The following SRGAP3 variants were observed in gnomAD, a reference collection of about 807,000 sequenced individuals.
SRGAP3 encodes SLIT-ROBO Rho GTPase activating protein 3.
SRGAP3 carries 39 observed loss-of-function variants against 121.1 expected under a neutral mutation model. The observed-to-expected ratio is 0.32, with a 90% CI of 0.25 to 0.42. The LOEUF is 0.42. Ranked by LOEUF, SRGAP3 falls within the 10% of genes least tolerant of loss-of-function variation. SRGAP3 has a pLI of 1.00. For missense variants in SRGAP3, 1,213 were observed against 1,470.6 expected, an observed-to-expected ratio of 0.82 and a Z score of 2.86; for synonymous variants, 601 against 570.0, an observed-to-expected ratio of 1.05 and a Z score of -0.77.
At chr3:9,289,327 A>G (rs963950950) in intron 3 of SRGAP3, among the ~76,000 whole-genome samples, 3 of 152,200 alleles carry the variant, frequency 2.0e-5, no homozygotes, top group African/African-American at 7.2e-5. Context: ...TGATTCTGCT[A>G]TCTGTTGTTT....
chr3:9,063,504 C>CT lies in SRGAP3; in HGVS notation c.672+891dup, dbSNP rs796404683. 7.5e-4 allele frequency among the ~76,000 whole-genome samples: 110 copies of CT among 147,190 alleles called. 1 individual carries two copies. The East Asian group carries it at 0.015, about 20-fold the overall frequency. On this transcript the variant is annotated intron_variant, in intron 5 of 21. Coordinates refer to ENST00000383836, the MANE Select transcript of SRGAP3 (RefSeq NM_014850.4). ...AGCAACATCTATTCAAATTCTTTGC[C>CT]TTTTTTTTTTCATAAATAGAGATGG...
At chr3:9,012,691 G>A (rs1943435591) in intron 17 of SRGAP3, among the ~76,000 whole-genome samples, 1 of 152,062 alleles carries the variant, frequency 6.6e-6, no homozygotes. Flanking sequence ...GTTGAGGTGG[G>A]GACTAGTCAC....
intron 2 of SRGAP3, among the ~76,000 whole-genome samples, chr3:9,119,670 T>C (rs763436780): frequency 2.6e-4 from 39 of 152,220 alleles, no homozygotes; most frequent in Non-Finnish European, 2.2e-4. Flanking sequence ...GGAGTGATGC[T>C]ATTCCAGCTC....
intron 3 of SRGAP3, among the ~76,000 whole-genome samples, chr3:9,319,810 T>A (rs1187188686): frequency 2.0e-5 from 3 of 151,828 alleles, no homozygotes; most frequent in African/African-American, 4.8e-5. Flanking sequence ...GGGCAGAGAC[T>A]CAGAGTGTCT....
At chr3:9,087,154 T>C in intron 3 of SRGAP3, among the ~76,000 whole-genome samples, 1 of 152,148 alleles carries the variant, frequency 6.6e-6, no homozygotes, top group Non-Finnish European at 1.5e-5. Context: ...AATGAATCTA[T>C]GAACGAATGA....
At chr3:9,350,230 T>C (rs1450679352) in intron 1 of SRGAP3, among the ~76,000 whole-genome samples, 2 of 152,232 alleles carry the variant, frequency 1.3e-5, no homozygotes, top group African/African-American at 4.8e-5. Context: ...ACACCTTGTG[T>C]GTGCCAGGCA....
At chr3:9,111,635 G>T (rs1369747041) in intron 2 of SRGAP3, among the ~76,000 whole-genome samples, 2 of 152,156 alleles carry the variant, frequency 1.3e-5, no homozygotes, top group Non-Finnish European at 2.9e-5. Flanking sequence ...AGAGCCAGAC[G>T]CCAGGCTGCA....
intron 1 of SRGAP3, among the ~76,000 whole-genome samples, chr3:9,204,042 A>T (rs1033577534): frequency 6.6e-6 from 1 of 152,124 alleles, no homozygotes; most frequent in African/African-American, 2.4e-5. Context: ...ACACCCTAGG[A>T]AGCACTTGTC....
chr3:9,310,715 C>T (rs935109986), intron 3 of SRGAP3, among the ~76,000 whole-genome samples: 1 of 152,192 alleles, frequency 6.6e-6, no homozygotes, highest in Non-Finnish European at 1.5e-5. Context: ...AAAGAAGGAT[C>T]AAACTAGGTC....
intron 1 of SRGAP3, among the ~76,000 whole-genome samples, chr3:9,182,940 G>C (rs1050319680): frequency 6.6e-6 from 1 of 152,116 alleles, no homozygotes; most frequent in Non-Finnish European, 1.5e-5. Context: ...GTACAGGCGA[G>C]AGCCACCGTG....
At chr3:9,263,327 C>G (rs1954290195) in intron 3 of SRGAP3, among the ~76,000 whole-genome samples, 1 of 151,856 alleles carries the variant, frequency 6.6e-6, no homozygotes, top group African/African-American at 2.4e-5. Context: ...CAAGAACAAA[C>G]AAATTCAAAA....
chr3:9,153,881 C>G (rs1033720849), intron 1 of SRGAP3, among the ~76,000 whole-genome samples: 12 of 152,038 alleles, frequency 7.9e-5, no homozygotes, highest in Admixed American at 5.9e-4. Flanking sequence ...GGAATTGAAA[C>G]CCCTGTAAGA....
At chr3:9,261,452 A>G (rs1045325846) in intron 3 of SRGAP3, among the ~76,000 whole-genome samples, 9 of 152,118 alleles carry the variant, frequency 5.9e-5, no homozygotes. Context: ...AAGAACCTTG[A>G]TAAAAGGTTA....
At chr3:9,194,197 C>T (rs1951852013) in intron 1 of SRGAP3, 1 of 152,178 alleles carries the variant, frequency 6.6e-6, no homozygotes, top group Admixed American at 6.6e-5. Context: ...TAGCAAGAGC[C>T]TCTTTTAAAT....
chr3:9,201,571 A>G (rs966511094), intron 1 of SRGAP3, among the ~76,000 whole-genome samples: 6 of 152,222 alleles, frequency 3.9e-5, no homozygotes, highest in Admixed American at 6.5e-5. Context: ...AGACCAGTCC[A>G]CTTGCCTTCA....
intron 2 of SRGAP3, among the ~76,000 whole-genome samples, chr3:9,106,895 C>A (rs1948437153): frequency 6.6e-6 from 1 of 151,982 alleles, no homozygotes; most frequent in Non-Finnish European, 1.5e-5. Context: ...AGAAGGACCC[C>A]TGAACTGCTG....
At chr3:9,322,260 G>A (rs1299300668) in intron 3 of SRGAP3, among the ~76,000 whole-genome samples, 1 of 151,752 alleles carries the variant, frequency 6.6e-6, no homozygotes, top group East Asian at 1.9e-4. Flanking sequence ...AGTTGTGGCC[G>A]AACCTCAGCA....
intron 18 of SRGAP3, among the ~76,000 whole-genome samples, chr3:8,999,676 A>G (rs555754879): frequency 1.8e-4 from 28 of 152,308 alleles, no homozygotes; most frequent in African/African-American, 6.3e-4. Flanking sequence ...CTGTGATGAG[A>G]GTAATGACAG....
intron 1 of SRGAP3, among the ~76,000 whole-genome samples, chr3:9,226,967 G>A (rs1193413516): frequency 6.6e-6 from 1 of 152,104 alleles, no homozygotes; most frequent in African/African-American, 2.4e-5. Flanking sequence ...TTGGCTCAAG[G>A]TGGATCCATT....
Sources: allele counts gnomAD v4.1 joint callset (sites outside exome capture counted in the v4.1 genomes callset), GRCh38; gene constraint gnomAD v4.1.1; transcripts MANE v1.5; gene names NCBI Gene and HGNC (gene_info 2026-07-23, HGNC 2026-07-21).